RNPEPL1: variants seen among roughly 807,000 people sequenced by gnomAD.
RNPEPL1 encodes the protein aminopeptidase RNPEPL1.
Under a neutral mutation model 69.0 loss-of-function variants are expected in RNPEPL1, and 46 were observed. The observed-to-expected ratio is 0.67, with a 90% CI of 0.53 to 0.85. The LOEUF is 0.85. Ranked by LOEUF, RNPEPL1 falls within the 40% of genes least tolerant of loss-of-function variation. The pLI is 0.00. For missense variants in RNPEPL1, 869 were observed against 992.5 expected (o/e 0.88, Z 1.67); for synonymous variants, 525 against 454.1 (o/e 1.16, Z -1.98).
intron 1 of RNPEPL1, among the ~76,000 whole-genome samples, chr2:240,569,855 C>T (rs117670203): frequency 6.6e-6 from 1 of 152,320 alleles, no homozygotes; most frequent in East Asian, 1.9e-4. Context: ...CTGGGAAGTC[C>T]AGCTGTCACT....
At chr2:240,575,740 CT>C in intron 8 of RNPEPL1, 130 bp downstream of exon 8, 1 of 710,770 alleles carries the variant, frequency 1.4e-6, no homozygotes, top group Non-Finnish European at 2.4e-6. Context: ...TCAGCCAACC[CT>C]TGCTGGACCA....
chr2:240,570,705 G>A (rs1294372720), intron 1 of RNPEPL1, among the ~76,000 whole-genome samples: 2 of 152,182 alleles, frequency 1.3e-5, no homozygotes, highest in African/African-American at 2.4e-5. Flanking sequence ...CAAGAACAGC[G>A]TTCTTCCTGC....
Position 240,574,163 on chromosome 2 carries a change from A to G in RNPEPL1, c.989A>G (p.Asn330Ser). The G allele has an allele frequency of 6.2e-7, 1 of 1,613,008 alleles. No individual in the cohort carries two copies. The highest frequency in any genetic ancestry group is 8.5e-7 in the Non-Finnish European group (1 of 1,179,820). Residue 330 changes from asparagine to serine, a missense_variant, in exon 5 of 11, where the codon AAC becomes AGC. Coordinates refer to ENST00000270357, the MANE Select transcript of RNPEPL1 (RefSeq NM_018226.6). ...PPSFPIVAME[N>S]PCLTFIISSI... The stretch of plus-strand genomic sequence containing the variant: ...TCCTTCCCCATCGTGGCCATGGAGA[A>G]CCCCTGCCTCACCTTCATCATCTCC...
In RNPEPL1 at chr2:240,574,106, G is replaced by A. The variant is rs767711817; in HGVS notation, c.939-7G>A. ...GGTCTGCCACCCTCACCGCCCTCCC[G>A]GTGCAGGTACGACATTGTCTTCCTG... On this transcript the variant is annotated splice_polypyrimidine_tract_variant and splice_region_variant and intron_variant, in intron 4 of 10. Coordinates refer to ENST00000270357, the MANE Select transcript of RNPEPL1 (RefSeq NM_018226.6). The A allele has an allele frequency of 1.9e-5, 30 of 1,611,358 alleles. No individual in the cohort carries two copies. Among genetic ancestry groups the A allele is most frequent in the Middle Eastern group, 1.7e-4 (1 of 6,050 alleles).
At position 240,574,638 on chromosome 2, in the gene RNPEPL1, C is replaced by A; in HGVS notation, c.1288+10C>A. The A allele has an allele frequency of 6.2e-7, 1 of 1,600,180 alleles. No homozygotes were observed. On this transcript the variant is annotated intron_variant, in intron 6 of 10. Coordinates refer to ENST00000270357, the MANE Select transcript of RNPEPL1 (RefSeq NM_018226.6). ...GTCAAGCTGGAGCCAGGTACCTGCT[C>A]CTCAGGACCCGCTCCCACAACTGGG...
chr2:240,580,088 C>A lies in RNPEPL1; in HGVS notation c.*2196C>A. 1 of 152,392 alleles carries A rather than the reference C, an allele frequency of 6.6e-6. No homozygotes were observed. The allele number at this position is 152,392 out of a possible 1,614,324, so 9.4% of individuals were successfully genotyped here. ...CAATCTGTCTTGGCTCTGTGCCCGC[C>A]CGTGGGGTACACAGGAGGGCTCTTT... On this transcript the variant is annotated 3_prime_UTR_variant, in exon 11 of 11. Coordinates refer to ENST00000270357, the MANE Select transcript of RNPEPL1 (RefSeq NM_018226.6).
chr2:240,571,474 G>C (rs543927695), intron 1 of RNPEPL1, among the ~76,000 whole-genome samples: 14 of 152,306 alleles, frequency 9.2e-5, no homozygotes, highest in Middle Eastern at 3.4e-3. Context: ...GCTGACTTGG[G>C]ACGAAGGTGA....
At chr2:240,570,288 C>T (rs906960989) in intron 1 of RNPEPL1, among the ~76,000 whole-genome samples, 1 of 152,230 alleles carries the variant, frequency 6.6e-6, no homozygotes, top group Non-Finnish European at 1.5e-5. Flanking sequence ...TGGCCATTGT[C>T]TCTTGGCTTC....
Position 240,575,543 on chromosome 2 carries a change from G to A in RNPEPL1, c.1443G>A (p.Gln481=). 1.2e-6 allele frequency: 2 copies of A among 1,613,574 alleles called. No homozygotes were observed. The highest frequency in any genetic ancestry group is 1.7e-6 in the Non-Finnish European group (2 of 1,179,988). ...EKYKFTSVVA[Q]DLLDSFLSFF... ...ACAAGTTCACCAGCGTGGTGGCCCA[G>A]GACCTGCTGGACTCCTTCCTGAGCT... The change falls in exon 8 of 11, where the codon CAG becomes CAA. Residue 481 remains glutamine (Q), a synonymous_variant. Transcript: ENST00000270357.
chr2:240,573,958 G>C (rs1371793914), intron 4 of RNPEPL1, 67 bp downstream of exon 4: 1 of 1,454,898 alleles, frequency 6.9e-7, no homozygotes, highest in Non-Finnish European at 9.4e-7. Context: ...CCCCTCGTCT[G>C]ACCCCTGGGG....
At chr2:240,574,955 T>C in intron 6 of RNPEPL1, 75 bp from the exon 7 acceptor site, 1 of 1,142,046 alleles carries the variant, frequency 8.8e-7, no homozygotes, top group South Asian at 1.2e-5. Context: ...CCTCGGAGCC[T>C]GACCACTGCC....
rs764559745 is a variant in RNPEPL1 at position 240,576,943 on chromosome 2, G to C, written c.1837G>C (p.Asp613His). Residue 613 changes from aspartate (D) to histidine (H), a missense_variant, in exon 10 of 11, where the codon GAC becomes CAC. Asp to His is a moderately conservative substitution (Grantham distance 81). Coordinates refer to ENST00000270357, the MANE Select transcript of RNPEPL1 (RefSeq NM_018226.6). ...CTGGCTGCAGATTGTGGTCCGCAAC[G>C]ACTACTATCCTGACCTCCACAGGGT... ...IRWLQIVVRN[D>H]YYPDLHRVRR... 6.2e-7 allele frequency: 1 copy of C among 1,613,454 alleles called. No individual in the cohort carries two copies. Among genetic ancestry groups the C allele is most frequent in the Non-Finnish European group, 8.5e-7 (1 of 1,179,970 alleles).
chr2:240,576,365 T>G, intron 8 of RNPEPL1, 170 bp from the exon 9 acceptor site: 1 of 633,188 alleles, frequency 1.6e-6, no homozygotes, highest in East Asian at 2.7e-5. Context: ...CTTCAGTGGC[T>G]TCAAGTGGCA....
chr2:240,571,100 C>A (rs73108015), intron 1 of RNPEPL1, among the ~76,000 whole-genome samples: 19 of 152,220 alleles, frequency 1.2e-4, no homozygotes, highest in African/African-American at 2.2e-4. Flanking sequence ...CCAGCCCCCC[C>A]CAAGGGGGAG....
Position 240,568,692 on chromosome 2 carries a change from G to A in RNPEPL1, c.106G>A (p.Ala36Thr). ...PALDVASASS[A>T]QLFRLRHLQL... ...CCTGGACGTGGCCTCGGCCTCCAGC[G>A]CGCAGCTCTTCCGCCTCCGCCACCT... Residue 36 changes from alanine to threonine, a missense_variant, in exon 1 of 11, where the codon GCG becomes ACG. Ala to Thr is a moderately conservative substitution (Grantham distance 58). Coordinates refer to ENST00000270357, the MANE Select transcript of RNPEPL1 (RefSeq NM_018226.6). The surrounding 1 kb of genome is among the most constrained non-coding windows in gnomAD (Gnocchi z 6.2). The A allele has an allele frequency of 9.5e-7, 1 of 1,057,730 alleles. No homozygotes were observed. Among genetic ancestry groups the A allele is most frequent in the Non-Finnish European group, 1.1e-6 (1 of 872,678 alleles). The allele number at this position is 1,057,730 out of a possible 1,614,324, so 65.5% of individuals were successfully genotyped here. A position where few individuals can be genotyped will look rare whatever the true frequency, so the allele number is the denominator to read the frequency against.
intron 3 of RNPEPL1, 129 bp from the exon 4 acceptor site, chr2:240,573,646 A>C: frequency 1.3e-6 from 1 of 771,320 alleles, no homozygotes; most frequent in Non-Finnish European, 2.0e-6. Flanking sequence ...GGCGGGCTGT[A>C]GGCTGGGGTG....
intron 10 of RNPEPL1, 129 bp from the exon 11 acceptor site, chr2:240,577,470 T>A: frequency 1.9e-6 from 2 of 1,052,300 alleles, no homozygotes; most frequent in Non-Finnish European, 2.7e-6. Context: ...GCCACCGGAG[T>A]CCAGGCCACA....
chr2:240,575,238 A>C (rs2093034378), intron 7 of RNPEPL1, 96 bp downstream of exon 7: 1 of 1,020,212 alleles, frequency 9.8e-7, no homozygotes, highest in African/African-American at 1.6e-5. Context: ...GTTGGGGTGG[A>C]ACTGGCAGGG....
chr2:240,569,558 A>C (rs958481798), intron 1 of RNPEPL1, among the ~76,000 whole-genome samples: 3 of 152,148 alleles, frequency 2.0e-5, no homozygotes, highest in African/African-American at 2.4e-5. Flanking sequence ...GCACTGGTGG[A>C]GTGTTGAGAC....
Sources: allele counts gnomAD v4.1 joint callset (sites outside exome capture counted in the v4.1 genomes callset), GRCh38; gene constraint gnomAD v4.1.1; non-coding constraint Gnocchi (gnomAD v3.1); transcripts MANE v1.5; gene names NCBI Gene and HGNC (gene_info 2026-07-23, HGNC 2026-07-21).